ASIC2: variants seen among roughly 807,000 people sequenced by gnomAD.
ASIC2 encodes the protein acid-sensing ion channel 2.
ASIC2 carries 25 observed loss-of-function variants against 57.3 expected under a neutral mutation model. The ratio of observed to expected loss-of-function variants is 0.44; its 90% CI spans 0.32 to 0.61. The LOEUF is 0.61. Ranked by LOEUF, ASIC2 falls within the 20% of genes least tolerant of loss-of-function variation. ASIC2 has a pLI of 0.06. For missense variants in ASIC2, 641 were observed against 738.1 expected (o/e 0.87, Z 1.52); for synonymous variants, 319 against 307.5 (o/e 1.04, Z -0.39).
chr17:33,924,305 G>A lies in ASIC2; in HGVS notation c.555+231673C>T, dbSNP rs1272105992. Among the ~76,000 whole-genome samples, 5 of 152,198 alleles carry A rather than the reference G, an allele frequency of 3.3e-5. No homozygotes were observed. In the East Asian group the frequency reaches 9.6e-4, roughly 29 times the overall value. Reference sequence around the variant, plus strand: ...GAGGCTTGCAGAGCGGGCTTGCAAAGCAGCCACACCCATTTGCTCTGCTGG... The same window carrying A: ...GAGGCTTGCAGAGCGGGCTTGCAAAACAGCCACACCCATTTGCTCTGCTGG... On this transcript the variant is annotated intron_variant, in intron 1 of 9. Coordinates refer to the ASIC2 transcript ENST00000359872.
intron 1 of ASIC2, among the ~76,000 whole-genome samples, chr17:33,341,335 T>C (rs899076212): frequency 4.6e-5 from 7 of 152,200 alleles, no homozygotes; most frequent in East Asian, 1.9e-4. Flanking sequence ...CTTCTTAGAA[T>C]TGGAGTGACC....
At chr17:33,882,748 C>T (rs1018546586) in intron 1 of ASIC2, among the ~76,000 whole-genome samples, 14 of 152,204 alleles carry the variant, frequency 9.2e-5, no homozygotes, top group African/African-American at 3.4e-4. Flanking sequence ...ACCCAGCCAT[C>T]CCGTTACTGG....
At chr17:33,464,513 T>TC (rs1912767278) in intron 1 of ASIC2, among the ~76,000 whole-genome samples, 2 of 45,178 alleles carry the variant, frequency 4.4e-5, no homozygotes, top group Admixed American at 2.0e-4. Flanking sequence ...TCTTTCTTTC[T>TC]TTCTTTCTTT....
chr17:33,327,546 G>T (rs1342875447), intron 1 of ASIC2, among the ~76,000 whole-genome samples: 3 of 152,104 alleles, frequency 2.0e-5, no homozygotes, highest in African/African-American at 7.2e-5. Context: ...CACTGCACTG[G>T]GGATGTCAGA....
In ASIC2 at chr17:33,896,123, A is replaced by C. The variant is rs540528793; in HGVS notation, c.555+259855T>G. 7.7e-4 allele frequency among the ~76,000 whole-genome samples: 117 copies of C among 152,348 alleles called. 1 individual carries two copies. Among genetic ancestry groups the C allele is most frequent in the Non-Finnish European group, 1.4e-3 (94 of 68,030 alleles). ...AATCAACCTTTAATTACCTCTAGGC[A>C]AAGATATGTTAATAATTTATTTATA... On this transcript the variant is annotated intron_variant, in intron 1 of 9. Transcript: ENST00000359872.
At chr17:33,666,526 G>A (rs545534792) in intron 1 of ASIC2, among the ~76,000 whole-genome samples, 2 of 152,152 alleles carry the variant, frequency 1.3e-5, no homozygotes, top group African/African-American at 2.4e-5. Context: ...CCTCCTGCCT[G>A]TCCAGGTCAT....
rs2091787354 is a variant in ASIC2, at chr17:33,013,249, G to GC, written c.*715dup. ...AAATCTCCATCGGACAAACATAAAA[G>GC]CCCCCCTACCCCAGATAAAAAGAAT... On this transcript the variant is annotated 3_prime_UTR_variant, in exon 10 of 10. Transcript: ENST00000225823. 6.6e-6 allele frequency: 1 copy of GC among 152,234 alleles called. No individual in the cohort carries two copies. The highest frequency in any genetic ancestry group is 2.1e-4 in the South Asian group (1 of 4,816). The allele number at this position is 152,234 out of a possible 1,614,324, so 9.4% of individuals were successfully genotyped here.
At chr17:33,499,318 T>TAAC (rs1255851963) in intron 1 of ASIC2, among the ~76,000 whole-genome samples, 1 of 152,256 alleles carries the variant, frequency 6.6e-6, no homozygotes, top group Non-Finnish European at 1.5e-5. Context: ...GTTGCAGTGC[T>TAAC]AACTCCCTGT....
intron 1 of ASIC2, among the ~76,000 whole-genome samples, chr17:33,436,853 C>CT (rs71144877): frequency 0.03 from 2,026 of 66,498 alleles, 136 homozygotes; most frequent in Non-Finnish European, 0.043. Flanking sequence ...ATTCCAACTT[C>CT]TTTTTTTTTT....
At chr17:33,342,370 A>G (rs972609097) in intron 1 of ASIC2, among the ~76,000 whole-genome samples, 2 of 149,404 alleles carry the variant, frequency 1.3e-5, no homozygotes, top group African/African-American at 5.1e-5. Flanking sequence ...GTGTGCTGAC[A>G]GACACATTTG....
Position 33,292,497 on chromosome 17 carries a change from C to T in ASIC2, c.-382G>A. The T allele has an allele frequency of 3.0e-6, 3 of 985,894 alleles. No individual in the cohort carries two copies. Among genetic ancestry groups the T allele is most frequent in the Non-Finnish European group, 3.6e-6 (3 of 830,372 alleles). 61.1% of individuals were successfully genotyped at this position (985,894 alleles called of 1,614,324 possible). On this transcript the variant is annotated 5_prime_UTR_variant, in exon 1 of 10. Transcript: ENST00000225823. Reference sequence around the variant, plus strand: ...GCGCCCGCCTTCCCTCGTCCTGGACCTCGGGGGACCCTGAGCCGAGTCCCC... The same window carrying T: ...GCGCCCGCCTTCCCTCGTCCTGGACTTCGGGGGACCCTGAGCCGAGTCCCC...
intron 1 of ASIC2, among the ~76,000 whole-genome samples, chr17:33,515,537 G>A (rs1229260277): frequency 1.3e-5 from 2 of 152,200 alleles, no homozygotes; most frequent in African/African-American, 2.4e-5. Context: ...CTCAAGACAC[G>A]GAATGTGAAG....
At chr17:33,392,022 G>A (rs1909909561) in intron 1 of ASIC2, among the ~76,000 whole-genome samples, 1 of 152,180 alleles carries the variant, frequency 6.6e-6, no homozygotes, top group Admixed American at 6.5e-5. Flanking sequence ...CCTCTGGTCT[G>A]TCTTATTTCT....
At chr17:33,732,458 T>C (rs1567700413) in intron 1 of ASIC2, among the ~76,000 whole-genome samples, 1 of 152,020 alleles carries the variant, frequency 6.6e-6, no homozygotes, top group Non-Finnish European at 1.5e-5. Context: ...ACCTCCATGT[T>C]CTTTTGTTAC....
chr17:33,995,328 T>A (rs1406454225), intron 1 of ASIC2, among the ~76,000 whole-genome samples: 1 of 152,114 alleles, frequency 6.6e-6, no homozygotes, highest in East Asian at 1.9e-4. Flanking sequence ...CCTGACCTCT[T>A]AACCTTCAAG....
intron 1 of ASIC2, among the ~76,000 whole-genome samples, chr17:33,463,247 C>G (rs569525279): frequency 1.3e-5 from 2 of 152,188 alleles, no homozygotes; most frequent in East Asian, 3.9e-4. Context: ...TTAGTTTGAC[C>G]CAGTATCTGT....
In ASIC2 at chr17:34,115,760, G is replaced by C. The variant is rs138750967; in HGVS notation, c.555+40218C>G. Among the ~76,000 whole-genome samples, 144 of 152,222 alleles carry C rather than the reference G, an allele frequency of 9.5e-4. 2 individuals are homozygous for C. The highest frequency in any genetic ancestry group is 1.8e-3 in the Non-Finnish European group (123 of 68,018). ...TGTTTCTTACAGGATGTGGCACTTAGAATTTAACAAGTTGAAAACACCATA... is the reference window on the plus strand; with the variant it reads ...TGTTTCTTACAGGATGTGGCACTTACAATTTAACAAGTTGAAAACACCATA... On this transcript the variant is annotated intron_variant, in intron 1 of 9. Coordinates refer to the ASIC2 transcript ENST00000359872.
rs183214764 is a variant in ASIC2, at chr17:33,824,429, T to C, written c.555+331549A>G. On this transcript the variant is annotated intron_variant, in intron 1 of 9. Transcript: ENST00000359872. ...ACTTTTAACATTTATACTTTTATAA[T>C]TTTAAAATTATATACATATATATAA... Among the ~76,000 whole-genome samples, 70 of 151,828 alleles carry C rather than the reference T, an allele frequency of 4.6e-4. 1 individual carries two copies. Among genetic ancestry groups the C allele is most frequent in the African/African-American group, 1.6e-3 (68 of 41,490 alleles).
At chr17:33,534,099 C>G (rs970639512) in intron 1 of ASIC2, 1 of 152,090 alleles carries the variant, frequency 6.6e-6, no homozygotes, top group South Asian at 2.1e-4. Flanking sequence ...GCCCTTGCTA[C>G]GATGCTGTCA....
Sources: allele counts gnomAD v4.1 joint callset (sites outside exome capture counted in the v4.1 genomes callset), GRCh38; gene constraint gnomAD v4.1.1; transcripts MANE v1.5; gene names NCBI Gene and HGNC (gene_info 2026-07-23, HGNC 2026-07-21).